The following UNC5C variants were observed in gnomAD, a reference collection of about 807,000 sequenced individuals.
The protein encoded by UNC5C is netrin receptor UNC5C.
UNC5C carries 47 observed loss-of-function variants against 99.8 expected under a neutral mutation model. That is an observed-to-expected ratio of 0.47 (90% confidence interval 0.37 to 0.60). The LOEUF is 0.60. Ranked by LOEUF, UNC5C falls within the 20% of genes least tolerant of loss-of-function variation. The pLI, the probability that UNC5C is intolerant of heterozygous loss-of-function variation, is 0.00. For synonymous variants in UNC5C, 487 were observed against 452.2 expected (o/e 1.08, Z -0.98); for missense variants, 1,062 against 1,165.9 (o/e 0.91, Z 1.30).
intron 1 of UNC5C, among the ~76,000 whole-genome samples, chr4:95,399,458 A>G (rs1304335916): frequency 6.6e-6 from 1 of 152,208 alleles, no homozygotes; most frequent in Non-Finnish European, 1.5e-5. Context: ...AGTCCCTTGC[A>G]TAAAACTCTT....
At chr4:95,198,487 A>G (rs1480642541) in intron 12 of UNC5C, among the ~76,000 whole-genome samples, 1 of 152,176 alleles carries the variant, frequency 6.6e-6, no homozygotes, top group African/African-American at 2.4e-5. Flanking sequence ...GAATGCTACT[A>G]GAATAAGTTT....
intron 1 of UNC5C, among the ~76,000 whole-genome samples, chr4:95,421,752 C>A (rs1471821999): frequency 6.6e-6 from 1 of 152,096 alleles, no homozygotes; most frequent in Non-Finnish European, 1.5e-5. Flanking sequence ...CTCAAAGTAA[C>A]ACTCTTCTTA....
chr4:95,292,761 A>C (rs1741525371), intron 3 of UNC5C, among the ~76,000 whole-genome samples: 1 of 152,196 alleles, frequency 6.6e-6, no homozygotes, highest in Admixed American at 6.5e-5. Flanking sequence ...AATGATTCAC[A>C]TTGAATAGTA....
intron 1 of UNC5C, among the ~76,000 whole-genome samples, chr4:95,396,837 C>A (rs532266440): frequency 6.6e-6 from 1 of 152,304 alleles, no homozygotes; most frequent in South Asian, 2.1e-4. Flanking sequence ...AACAACTGAA[C>A]TAATTTAGTT....
At chr4:95,522,428 G>A (rs764221877) in intron 1 of UNC5C, among the ~76,000 whole-genome samples, 49 of 152,060 alleles carry the variant, frequency 3.2e-4, no homozygotes, top group Non-Finnish European at 4.7e-4. Context: ...GTGTGCATGA[G>A]AGAGAGACAT....
chr4:95,248,499 A>G, intron 5 of UNC5C: 3 of 455,040 alleles, frequency 6.6e-6, no homozygotes, highest in South Asian at 4.7e-5. Context: ...GTCCTTGAGG[A>G]TAAGAATGTT....
In UNC5C at chr4:95,182,945, C is replaced by T; in HGVS notation, c.2403G>A (p.Gln801=). 4 of 1,614,046 alleles carry T rather than the reference C, an allele frequency of 2.5e-6. No homozygotes were observed. The highest frequency in any genetic ancestry group is 3.4e-6 in the Non-Finnish European group (4 of 1,179,940). ...GGAAGATCTGCCCTTCTCCTTCCAC[C>T]TGCCGCACACAGAGTTTGCAAACCA... ...VELVCKLCVR[Q]VEGEGQIFQL... Residue 801 remains glutamine, a synonymous_variant, in exon 14 of 16, where the codon CAG becomes CAA. Coordinates refer to ENST00000453304, the MANE Select transcript of UNC5C (RefSeq NM_003728.4).
chr4:95,275,852 T>G (rs1040525155), intron 4 of UNC5C, among the ~76,000 whole-genome samples: 3 of 152,148 alleles, frequency 2.0e-5, no homozygotes, highest in African/African-American at 7.2e-5. Flanking sequence ...GCCTGACTCT[T>G]TCTTGGAATC....
chr4:95,249,294 C>T (rs1245557559), intron 5 of UNC5C, among the ~76,000 whole-genome samples: 1 of 152,162 alleles, frequency 6.6e-6, no homozygotes, highest in Non-Finnish European at 1.5e-5. Flanking sequence ...GTACTATGAG[C>T]CACATACTTG....
intron 1 of UNC5C, among the ~76,000 whole-genome samples, chr4:95,533,488 T>C (rs1722704778): frequency 6.6e-6 from 1 of 152,008 alleles, no homozygotes; most frequent in Non-Finnish European, 1.5e-5. Flanking sequence ...TAATGTGATA[T>C]CATTAAATAA....
chr4:95,479,414 G>A (rs1330810363), intron 1 of UNC5C, among the ~76,000 whole-genome samples: 2 of 151,920 alleles, frequency 1.3e-5, no homozygotes, highest in African/African-American at 4.8e-5. Flanking sequence ...CAAGAGATAT[G>A]TTTCCTTAGA....
At chr4:95,255,083 G>A (rs1004138594) in intron 4 of UNC5C, among the ~76,000 whole-genome samples, 5 of 151,966 alleles carry the variant, frequency 3.3e-5, no homozygotes, top group East Asian at 3.9e-4. Flanking sequence ...GAGTTCAAGC[G>A]ATTCCTGTGC....
Position 95,206,716 on chromosome 4 carries a change from A to G in UNC5C, c.1814T>C (p.Val605Ala), listed in dbSNP as rs1181110178. The part of the protein sequence containing the change: ...GPPGALLTRP[V>A]VLTMHHCADP... ...TGCGCAGTGATGCATAGTGAGGACG[A>G]CTGGGCGGGTGAGCAGAGCTCCTGG... The change falls in exon 11 of 16, where the codon GTC (valine) becomes GCC (alanine). Residue 605 changes from valine to alanine, a missense_variant. Physicochemically the swap from Val to Ala is moderately conservative, Grantham distance 64. This residue lies in a region of UNC5C where 810 missense variants were observed against 854.5 expected (regional missense o/e 0.95). Transcript: ENST00000453304. 1.2e-6 allele frequency: 2 copies of G among 1,614,034 alleles called. No homozygotes were observed. Among genetic ancestry groups the G allele is most frequent in the South Asian group, 1.1e-5 (1 of 91,072 alleles).
chr4:95,339,658 T>G (rs1172722740), intron 1 of UNC5C, among the ~76,000 whole-genome samples: 1 of 152,104 alleles, frequency 6.6e-6, no homozygotes, highest in Admixed American at 6.6e-5. Flanking sequence ...AACTTCAGAC[T>G]GTGAACTTAT....
chr4:95,457,583 T>C (rs1747478006), intron 1 of UNC5C, among the ~76,000 whole-genome samples: 1 of 152,120 alleles, frequency 6.6e-6, no homozygotes, highest in South Asian at 2.1e-4. Context: ...TTTGCCCGCA[T>C]TTAATGCTGT....
chr4:95,445,192 A>G (rs1747062538), intron 1 of UNC5C, among the ~76,000 whole-genome samples: 1 of 152,180 alleles, frequency 6.6e-6, no homozygotes, highest in African/African-American at 2.4e-5. Context: ...TCAGGGGATG[A>G]TTTGTAAATT....
chr4:95,521,397 T>C (rs1722354009), intron 1 of UNC5C, among the ~76,000 whole-genome samples: 1 of 151,960 alleles, frequency 6.6e-6, no homozygotes, highest in South Asian at 2.1e-4. Flanking sequence ...TTTGTATTTT[T>C]AGTAGAGACG....
At chr4:95,457,556 T>C (rs900099877) in intron 1 of UNC5C, among the ~76,000 whole-genome samples, 8 of 152,048 alleles carry the variant, frequency 5.3e-5, no homozygotes, top group African/African-American at 1.9e-4. Flanking sequence ...GCTTCTGGTC[T>C]ACACTCACGT....
intron 1 of UNC5C, among the ~76,000 whole-genome samples, chr4:95,410,376 A>C (rs1252228235): frequency 6.6e-6 from 1 of 152,218 alleles, no homozygotes; most frequent in Non-Finnish European, 1.5e-5. Context: ...ATTTCACCCA[A>C]GGGGTTACCT....
Sources: gnomAD v4.1 joint callset for allele counts (sites outside exome capture counted in the v4.1 genomes callset) on GRCh38, gnomAD v4.1.1 for gene constraint, gnomAD v4.1.1 regional missense constraint, MANE v1.5 for transcripts, NCBI Gene and HGNC (gene_info 2026-07-23, HGNC 2026-07-21) for gene names.